The following PSD variants were observed in gnomAD, a reference collection of about 807,000 sequenced individuals.
PSD encodes PH and SEC7 domain-containing protein 1.
A neutral mutation model predicts 91.6 loss-of-function variants in PSD; 32 were observed. That is an observed-to-expected ratio of 0.35 (90% CI 0.26 to 0.47). The LOEUF is 0.47. Ranked by LOEUF, PSD falls within the 20% of genes least tolerant of loss-of-function variation. PSD has a pLI of 1.00. For missense variants in PSD, 1,099 were observed against 1,373.9 expected (o/e 0.80, Z 3.16); for synonymous variants, 532 against 569.3 (o/e 0.93, Z 0.93).
rs777217128 is a variant in PSD, at chr10:102,413,955, G to C, written c.1367C>G (p.Pro456Arg). 1 of 1,614,016 alleles carries C rather than the reference G, an allele frequency of 6.2e-7. No homozygotes were observed. Among genetic ancestry groups the C allele is most frequent in the South Asian group, 1.1e-5 (1 of 91,092 alleles). ...PQPPAPRPDPPAPAPLAPLEP... is the reference protein window; with the variant it reads ...PQPPAPRPDPRAPAPLAPLEP... ...AAGAGGGGCAAGTGGGGCGGGAGCT[G>C]GTGGGTCGGGCCGGGGTGCAGGGGG... Residue 456 changes from proline (P) to arginine (R), a missense_variant, in exon 5 of 17, where the codon CCA (proline) becomes CGA (arginine). By Grantham distance (103) the Pro-to-Arg change is moderately radical. Transcript: ENST00000020673.
rs752288784 is a variant in PSD, at chr10:102,405,161, G to T, written c.2397+22C>A. 3 of 1,609,928 alleles carry T rather than the reference G, an allele frequency of 1.9e-6. No individual in the cohort carries two copies. The highest frequency in any genetic ancestry group is 1.7e-6 in the Non-Finnish European group (2 of 1,179,250). ...ACCAGCCAACTCAGTCCCAGCCCCA[G>T]CCCCCTGGCCTGACCCCGCACCTTC... On this transcript the variant is annotated intron_variant, in intron 13 of 16. Transcript: ENST00000020673. This position sits in a 1 kb window ranked among gnomAD's most constrained non-coding sequence, Gnocchi z 5.4.
At chr10:102,406,930 C>A (rs550358748) in intron 11 of PSD, among the ~76,000 whole-genome samples, 89 of 152,294 alleles carry the variant, frequency 5.8e-4, no homozygotes, top group Non-Finnish European at 9.0e-4. Flanking sequence ...GCCCTGCTTC[C>A]AGAGGCTTCT....
rs1477746883 is a variant in PSD, at chr10:102,405,212, G to A, written c.2368C>T (p.Leu790Phe). ...TGCAGGTAGAGGATCATGCCCTTGA[G>A]GATCCCGTGGAAGCTCTTCCAGCCC... Reference protein sequence around the residue: ...KRGWKSFHGILKGMILYLQKE... With the variant: ...KRGWKSFHGIFKGMILYLQKE... The change falls in exon 13 of 17, where the codon CTC becomes TTC. Residue 790 changes from leucine (L) to phenylalanine (F), a missense_variant. By Grantham distance (22) the Leu-to-Phe change is conservative. Coordinates refer to ENST00000020673, the MANE Select transcript of PSD (RefSeq NM_002779.5). The surrounding 1 kb of genome is among the most constrained non-coding windows in gnomAD (Gnocchi z 5.4). 1 of 1,610,986 alleles carries A rather than the reference G, an allele frequency of 6.2e-7. No homozygotes were observed. The highest frequency in any genetic ancestry group is 1.1e-5 in the South Asian group (1 of 91,080).
At position 102,410,761 on chromosome 10, in the gene PSD, A is replaced by C; in HGVS notation, c.2091+97T>G. On this transcript the variant is annotated intron_variant, in intron 10 of 16. Transcript: ENST00000020673. The surrounding 1 kb of genome is among the most constrained non-coding windows in gnomAD (Gnocchi z 6.0). ...CCGTGGCAGGAGCCGGGGGTCGGCAAGCCCCAGCCCTGCCCTCCCTCCGAC... is the reference window on the plus strand; with the variant it reads ...CCGTGGCAGGAGCCGGGGGTCGGCACGCCCCAGCCCTGCCCTCCCTCCGAC... 4 of 953,224 alleles carry C rather than the reference A, an allele frequency of 4.2e-6. 1 individual carries two copies. Among genetic ancestry groups the C allele is most frequent in the South Asian group, 2.7e-5 (2 of 74,458 alleles). The allele number at this position is 953,224 out of a possible 1,614,324, so 59.0% of individuals were successfully genotyped here. A position where few individuals can be genotyped will look rare whatever the true frequency, so the allele number is the denominator to read the frequency against.
rs529277406 is a variant in PSD at position 102,405,310 on chromosome 10, C to T, written c.2326+36G>A. 1.9e-5 allele frequency: 30 copies of T among 1,607,874 alleles called. No homozygotes were observed. The African/African-American group carries it at 3.2e-4, about 17-fold the overall frequency. On this transcript the variant is annotated intron_variant, in intron 12 of 16. Transcript: ENST00000020673. This position sits in a 1 kb window ranked among gnomAD's most constrained non-coding sequence, Gnocchi z 5.4. ...TGGAACAGGCCCACTCCCATCCATCCCCTAGACGCCCGCCCCCCGCAACTC... is the reference window on the plus strand; with the variant it reads ...TGGAACAGGCCCACTCCCATCCATCTCCTAGACGCCCGCCCCCCGCAACTC...
upstream of PSD, chr10:102,418,813 CTCCCCCTACCCCCTACGCGCCG>C: frequency 2.2e-6 from 1 of 444,742 alleles, no homozygotes. Flanking sequence ...CTCTCAGTCC[CTCCCCCTACCCCCTACGCGCCG>C]CTCAGGCAAC....
Position 102,415,124 on chromosome 10 carries a change from A to C in PSD, c.863T>G (p.Leu288Arg), listed in dbSNP as rs1397744851. Residue 288 changes from leucine to arginine, a missense_variant, in exon 4 of 17, where the codon CTG (leucine) becomes CGG (arginine). By Grantham distance (102) the Leu-to-Arg change is moderately radical. This residue lies in a region of PSD where 631 missense variants were observed against 728.8 expected (regional missense o/e 0.87). Coordinates refer to ENST00000020673, the MANE Select transcript of PSD (RefSeq NM_002779.5). ...GTAGCACCTCAGGGGCACCGTGTCC[A>C]GGTCTGTCTCGGAGTACTTGGCTGC... is the stretch of plus-strand genomic sequence containing the variant. Reference protein sequence around the residue: ...GRAAKYSETDLDTVPLRCYRE... With the variant: ...GRAAKYSETDRDTVPLRCYRE... The C allele has an allele frequency of 3.1e-6, 5 of 1,613,634 alleles. No individual in the cohort carries two copies. In the African/African-American group the frequency reaches 4.0e-5, roughly 13 times the overall value.
chr10:102,410,151 G>A lies in PSD; in HGVS notation c.2091+707C>T, dbSNP rs2061410052. Among the ~76,000 whole-genome samples, 1 of 152,166 alleles carries A rather than the reference G, an allele frequency of 6.6e-6. No homozygotes were observed. Among genetic ancestry groups the A allele is most frequent in the Admixed American group, 6.5e-5 (1 of 15,272 alleles). The stretch of plus-strand genomic sequence containing the variant: ...AGAGACACCTTTGTCCTAGCCTGGG[G>A]GTTTCTTCAAGTGAGTCCAGGCCTC... On this transcript the variant is annotated intron_variant, in intron 10 of 16. Coordinates refer to ENST00000020673, the MANE Select transcript of PSD (RefSeq NM_002779.5). The surrounding 1 kb of genome is among the most constrained non-coding windows in gnomAD (Gnocchi z 6.0).
At chr10:102,408,518 G>A (rs2061387901) in intron 10 of PSD, among the ~76,000 whole-genome samples, 2 of 151,418 alleles carry the variant, frequency 1.3e-5, no homozygotes, top group Admixed American at 1.3e-4. Context: ...CCCTCACTCC[G>A]CAACTCTCTG....
intron 1 of PSD, 50 bp downstream of exon 1, chr10:102,418,651 C>A: frequency 2.2e-6 from 1 of 450,342 alleles, no homozygotes; most frequent in Non-Finnish European, 4.5e-6. Flanking sequence ...TCAACGGGGT[C>A]CCAGCGCATA....
In PSD at chr10:102,405,070, A is replaced by G. The variant is rs1435435580; in HGVS notation, c.2398-15T>C. The G allele has an allele frequency of 1.2e-6, 2 of 1,613,270 alleles. No individual in the cohort carries two copies. The highest frequency in any genetic ancestry group is 1.1e-5 in the South Asian group (1 of 91,050). ...TTGTACTCCTCCTGCAGGGGTGTCC[A>G]TCTTGTCCTGGCCCCAAATGCAGCC... On this transcript the variant is annotated splice_polypyrimidine_tract_variant and intron_variant, in intron 13 of 16. Coordinates refer to ENST00000020673, the MANE Select transcript of PSD (RefSeq NM_002779.5). This position sits in a 1 kb window ranked among gnomAD's most constrained non-coding sequence, Gnocchi z 5.4.
rs937310702 is a variant in PSD at position 102,410,757 on chromosome 10, G to C, written c.2091+101C>G. ...GCTTCCGTGGCAGGAGCCGGGGGTC[G>C]GCAAGCCCCAGCCCTGCCCTCCCTC... is the stretch of plus-strand genomic sequence containing the variant. On this transcript the variant is annotated intron_variant, in intron 10 of 16. Transcript: ENST00000020673. This position sits in a 1 kb window ranked among gnomAD's most constrained non-coding sequence, Gnocchi z 6.0. The C allele has an allele frequency of 2.1e-6, 2 of 937,208 alleles. No individual in the cohort carries two copies. Among genetic ancestry groups the C allele is most frequent in the East Asian group, 2.4e-5 (1 of 41,282 alleles). The allele number at this position is 937,208 out of a possible 1,614,324, so 58.1% of individuals were successfully genotyped here. A position where few individuals can be genotyped will look rare whatever the true frequency, so the allele number is the denominator to read the frequency against.
chr10:102,404,038 C>G lies in PSD; in HGVS notation c.2701-53G>C. ...GGTCACTCTGCCCTATACAGTGCCT[C>G]TGCAGATTTTTAAAAAGATACCCCT... On this transcript the variant is annotated intron_variant, in intron 15 of 16. Coordinates refer to ENST00000020673, the MANE Select transcript of PSD (RefSeq NM_002779.5). This position sits in a 1 kb window ranked among gnomAD's most constrained non-coding sequence, Gnocchi z 5.7. The G allele has an allele frequency of 6.8e-7, 1 of 1,477,022 alleles. No individual in the cohort carries two copies. The highest frequency in any genetic ancestry group is 9.0e-7 in the Non-Finnish European group (1 of 1,111,536). The allele number at this position is 1,477,022 out of a possible 1,614,324, so 91.5% of individuals were successfully genotyped here.
Position 102,416,809 on chromosome 10 carries a change from C to T in PSD, c.230G>A (p.Arg77His), listed in dbSNP as rs770307003. ...CTPLRGPPSPRVAPSPWAPSS... is the reference protein window; with the variant it reads ...CTPLRGPPSPHVAPSPWAPSS... The stretch of plus-strand genomic sequence containing the variant: ...GGGTGCCCAGGGTGAGGGAGCAACA[C>T]GGGGTGAGGGGGGGCCACGCAGAGG... Residue 77 changes from arginine (R) to histidine (H), a missense_variant, in exon 2 of 17, where the codon CGT becomes CAT. Arg to His is a conservative substitution (Grantham distance 29). Coordinates refer to ENST00000020673, the MANE Select transcript of PSD (RefSeq NM_002779.5). The surrounding 1 kb of genome is among the most constrained non-coding windows in gnomAD (Gnocchi z 6.0). 1.6e-4 allele frequency: 251 copies of T among 1,598,096 alleles called. No homozygotes were observed. Among genetic ancestry groups the T allele is most frequent in the Non-Finnish European group, 2.0e-4 (229 of 1,171,862 alleles).
chr10:102,403,539 C>T lies in PSD; in HGVS notation c.2845-109G>A. The T allele has an allele frequency of 9.0e-7, 1 of 1,106,294 alleles. No homozygotes were observed. Among genetic ancestry groups the T allele is most frequent in the Non-Finnish European group, 1.3e-6 (1 of 785,226 alleles). The allele number at this position is 1,106,294 out of a possible 1,614,324, so 68.5% of individuals were successfully genotyped here. On this transcript the variant is annotated intron_variant, in intron 16 of 16. Transcript: ENST00000020673. The surrounding 1 kb of genome is among the most constrained non-coding windows in gnomAD (Gnocchi z 6.7). ...AGGGCAGAAGATGGCAGGTGCCCACCCAGGACTGTGAGATGGTCCCATGCG... is the reference window on the plus strand; with the variant it reads ...AGGGCAGAAGATGGCAGGTGCCCACTCAGGACTGTGAGATGGTCCCATGCG...
At chr10:102,408,913 G>A in intron 10 of PSD, 6 of 987,488 alleles carry the variant, frequency 6.1e-6, no homozygotes, top group Non-Finnish European at 7.2e-6. Flanking sequence ...TCTTCTTGCG[G>A]CTCTGCAGGC....
rs2061334880 is a variant in PSD at position 102,404,375 on chromosome 10, T to A, written c.2700+208A>T. Among the ~76,000 whole-genome samples, 1 of 150,830 alleles carries A rather than the reference T, an allele frequency of 6.6e-6. No homozygotes were observed. On this transcript the variant is annotated intron_variant, in intron 15 of 16. Transcript: ENST00000020673. The surrounding 1 kb of genome is among the most constrained non-coding windows in gnomAD (Gnocchi z 5.7). ...AAAAAAAAAAAAAAAAGATGCCCCT[T>A]CCTTTGGACAAACAAAGCACTATGT...
intron 5 of PSD, 42 bp downstream of exon 5, chr10:102,413,727 C>T (rs778341960): frequency 6.4e-7 from 1 of 1,558,246 alleles, no homozygotes; most frequent in East Asian, 2.3e-5. Flanking sequence ...GTTTCTGGAG[C>T]CCTGGGGGCC....
At position 102,403,977 on chromosome 10, in the gene PSD, C is replaced by T; in HGVS notation, c.2709G>A (p.Gln903=). The change falls in exon 16 of 17, where the codon CAG becomes CAA. Residue 903 remains glutamine, a synonymous_variant. Coordinates refer to ENST00000020673, the MANE Select transcript of PSD (RefSeq NM_002779.5). This position sits in a 1 kb window ranked among gnomAD's most constrained non-coding sequence, Gnocchi z 6.7. ...TCAGCTTGGCCTCGTGGGTCCGCAC[C>T]TGCTCCTCCTAGCGGCCAGGGGGAG... is the stretch of plus-strand genomic sequence containing the variant. ...SAATRLSQEE[Q]VRTHEAKLKA... The T allele has an allele frequency of 6.4e-7, 1 of 1,556,676 alleles. No homozygotes were observed. Among genetic ancestry groups the T allele is most frequent in the South Asian group, 1.2e-5 (1 of 85,346 alleles).
Sources: allele counts gnomAD v4.1 joint callset (sites outside exome capture counted in the v4.1 genomes callset), GRCh38; gene constraint gnomAD v4.1.1; regional missense constraint gnomAD v4.1.1; non-coding constraint Gnocchi (gnomAD v3.1); transcripts MANE v1.5; gene names NCBI Gene and HGNC (gene_info 2026-07-23, HGNC 2026-07-21).